CLSTN1: variants seen among roughly 807,000 people sequenced by gnomAD.
CLSTN1 encodes the protein calsyntenin-1.
CLSTN1 carries 28 observed loss-of-function variants against 108.3 expected under a neutral mutation model. The ratio of observed to expected loss-of-function variants is 0.26; its 90% CI spans 0.19 to 0.35. The LOEUF is 0.35. Among genes scored for constraint, CLSTN1 ranks in the 10% least tolerant of loss-of-function variants. The pLI, the probability that CLSTN1 is intolerant of heterozygous loss-of-function variation, is 1.00. For missense variants in CLSTN1, 1,157 were observed against 1,302.6 expected, an observed-to-expected ratio of 0.89 and a Z score of 1.72; for synonymous variants, 524 against 534.9, an observed-to-expected ratio of 0.98 and a Z score of 0.28.
chr1:9,776,865 T>C (rs947440866), intron 1 of CLSTN1, among the ~76,000 whole-genome samples: 3 of 121,406 alleles, frequency 2.5e-5, no homozygotes, highest in African/African-American at 1.0e-4. Context: ...TCAGCATTTA[T>C]CTATCTATCT....
intron 18 of CLSTN1, 181 bp downstream of exon 18, chr1:9,731,025 C>A: frequency 1.4e-6 from 1 of 696,690 alleles, no homozygotes; most frequent in Non-Finnish European, 2.4e-6. Flanking sequence ...TAAGGCAGAA[C>A]GGCCTTGAAT....
rs772816826 is a variant in CLSTN1, at chr1:9,735,521, G to C, written c.1829C>G (p.Ser610Cys). ...KAMQHISYLN[S>C]RQFPTPGIRR... ...AATTCCGGGCGTGGGGAACTGCCGGGAGTTCAGGTACGAGATGTGCTGCAT... is the reference window on the plus strand; with the variant it reads ...AATTCCGGGCGTGGGGAACTGCCGGCAGTTCAGGTACGAGATGTGCTGCAT... The change falls in exon 13 of 19, where the codon TCC becomes TGC. Residue 610 changes from serine to cysteine, a missense_variant. By Grantham distance (112) the Ser-to-Cys change is moderately radical. Coordinates refer to ENST00000377298, the MANE Select transcript of CLSTN1 (RefSeq NM_001009566.3). The C allele has an allele frequency of 6.2e-7, 1 of 1,614,210 alleles. No individual in the cohort carries two copies. Among genetic ancestry groups the C allele is most frequent in the Admixed American group, 1.7e-5 (1 of 60,022 alleles).
chr1:9,741,200 A>T lies in CLSTN1; in HGVS notation c.1413T>A (p.Thr471=), dbSNP rs377349051. 3.1e-6 allele frequency: 5 copies of T among 1,614,068 alleles called. No individual in the cohort carries two copies. The highest frequency in any genetic ancestry group is 2.2e-5 in the South Asian group (2 of 91,070). Reference sequence around the variant, plus strand: ...CGTGGGACGTGCCATCCACATAGAGAGTCACACTCGGGAATTCTACATTGA... The same window carrying T: ...CGTGGGACGTGCCATCCACATAGAGTGTCACACTCGGGAATTCTACATTGA... ...YVLNVEFPSV[T]LYVDGTSHEP... The change falls in exon 10 of 19, where the codon ACT becomes ACA. Residue 471 remains threonine, a synonymous_variant. Transcript: ENST00000377298.
At chr1:9,814,957 G>A (rs531274526) in intron 1 of CLSTN1, among the ~76,000 whole-genome samples, 8 of 152,112 alleles carry the variant, frequency 5.3e-5, no homozygotes, top group South Asian at 2.1e-4. Context: ...GAAAATTCTC[G>A]TGTTTTTTCC....
intron 4 of CLSTN1, among the ~76,000 whole-genome samples, chr1:9,753,242 A>C (rs536307617): frequency 6.6e-6 from 1 of 152,266 alleles, no homozygotes; most frequent in African/African-American, 2.4e-5. Context: ...ACCGCTGCTG[A>C]TGTGACAGGA....
intron 9 of CLSTN1, among the ~76,000 whole-genome samples, chr1:9,742,733 C>T (rs569930419): frequency 6.6e-6 from 1 of 152,122 alleles, no homozygotes; most frequent in African/African-American, 2.4e-5. Context: ...AATGGTGGAA[C>T]CCCATCTCTA....
At chr1:9,738,688 T>G (rs948871188) in intron 10 of CLSTN1, among the ~76,000 whole-genome samples, 4 of 152,202 alleles carry the variant, frequency 2.6e-5, no homozygotes, top group Admixed American at 6.5e-5. Context: ...AGAGTCTCAC[T>G]CTGTTGCCCA....
chr1:9,795,786 A>T lies in CLSTN1; in HGVS notation c.92-22392T>A, dbSNP rs1042938010. ...CCTGGGCAACATGGTGAGACCCTGTATCTACAGAAAAATTTAAAATTAGCC... is the reference window on the plus strand; with the variant it reads ...CCTGGGCAACATGGTGAGACCCTGTTTCTACAGAAAAATTTAAAATTAGCC... On this transcript the variant is annotated intron_variant, in intron 1 of 18. Coordinates refer to ENST00000377298, the MANE Select transcript of CLSTN1 (RefSeq NM_001009566.3). Among the ~76,000 whole-genome samples the T allele has an allele frequency of 2.0e-5, 3 of 146,374 alleles. No individual in the cohort carries two copies. In the Admixed American group the frequency reaches 2.1e-4, roughly 10 times the overall value.
chr1:9,775,839 T>C (rs1652912758), intron 1 of CLSTN1, among the ~76,000 whole-genome samples: 1 of 152,150 alleles, frequency 6.6e-6, no homozygotes, highest in South Asian at 2.1e-4. Flanking sequence ...CAGGATGTGA[T>C]GCTACCTCTG....
chr1:9,765,743 G>A (rs1475180634), intron 2 of CLSTN1, among the ~76,000 whole-genome samples: 1 of 151,818 alleles, frequency 6.6e-6, no homozygotes. Context: ...AGCCGGGCGT[G>A]GTGGCGGCGG....
At chr1:9,801,428 C>T (rs748911325) in intron 1 of CLSTN1, among the ~76,000 whole-genome samples, 42 of 152,262 alleles carry the variant, frequency 2.8e-4, no homozygotes, top group Non-Finnish European at 5.1e-4. Flanking sequence ...CCTTCCAAAA[C>T]GAAAAGTACC....
chr1:9,738,439 A>C (rs1384629566), intron 10 of CLSTN1, among the ~76,000 whole-genome samples: 2 of 152,166 alleles, frequency 1.3e-5, no homozygotes, highest in Non-Finnish European at 2.9e-5. Flanking sequence ...GCAAGGCTAG[A>C]GGTGTATCCA....
chr1:9,772,787 C>A (rs1020022365), intron 2 of CLSTN1, among the ~76,000 whole-genome samples: 1 of 152,140 alleles, frequency 6.6e-6, no homozygotes, highest in Non-Finnish European at 1.5e-5. Flanking sequence ...CTATAAAGAC[C>A]GCTCAACTTC....
chr1:9,805,230 G>A (rs1274362861), intron 1 of CLSTN1, among the ~76,000 whole-genome samples: 1 of 152,208 alleles, frequency 6.6e-6, no homozygotes, highest in Non-Finnish European at 1.5e-5. Flanking sequence ...TAAATCACTA[G>A]TAAGCTTTGC....
At chr1:9,781,555 T>C (rs1038792974) in intron 1 of CLSTN1, among the ~76,000 whole-genome samples, 1 of 151,926 alleles carries the variant, frequency 6.6e-6, no homozygotes, top group African/African-American at 2.4e-5. Flanking sequence ...GCGATTCTCC[T>C]GCCTCAGCCT....
intron 7 of CLSTN1, among the ~76,000 whole-genome samples, chr1:9,747,975 C>CG (rs1651362703): frequency 6.6e-6 from 1 of 150,868 alleles, no homozygotes; most frequent in African/African-American, 2.4e-5. Flanking sequence ...ACCCAGGAGG[C>CG]GGAGCTTGCA....
At chr1:9,777,953 CCT>C (rs1332009153) in intron 1 of CLSTN1, among the ~76,000 whole-genome samples, 1 of 152,022 alleles carries the variant, frequency 6.6e-6, no homozygotes, top group East Asian at 1.9e-4. Context: ...TCGCTCTGTC[CCT>C]CTGTTCCAAC....
Position 9,809,189 on chromosome 1 carries a change from C to A in CLSTN1, c.91+14454G>T, listed in dbSNP as rs1042435847. Reference sequence around the variant, plus strand: ...CTGTCCGCTGGCCACAGATGCCTCCCAGAGCCCTCCCTGAGAAGACACAGG... The same window carrying A: ...CTGTCCGCTGGCCACAGATGCCTCCAAGAGCCCTCCCTGAGAAGACACAGG... On this transcript the variant is annotated intron_variant, in intron 1 of 18. Transcript: ENST00000377298. Among the ~76,000 whole-genome samples the A allele has an allele frequency of 3.3e-5, 5 of 152,196 alleles. No individual in the cohort carries two copies. The East Asian group carries it at 9.6e-4, about 29-fold the overall frequency.
chr1:9,744,211 CA>C (rs1469076342), intron 8 of CLSTN1, among the ~76,000 whole-genome samples, 183 bp downstream of exon 8: 11 of 152,238 alleles, frequency 7.2e-5, no homozygotes, highest in Non-Finnish European at 1.5e-5. Context: ...TGAGCAACAA[CA>C]GCTAATACCC....
Sources: gnomAD v4.1 joint callset for allele counts (sites outside exome capture counted in the v4.1 genomes callset) on GRCh38, gnomAD v4.1.1 for gene constraint, MANE v1.5 for transcripts, NCBI Gene and HGNC (gene_info 2026-07-23, HGNC 2026-07-21) for gene names.